Variants in QPCT observed in about 807,000 individuals in gnomAD.
The protein encoded by QPCT is glutaminyl-peptide cyclotransferase.
Under a neutral mutation model 43.4 loss-of-function variants are expected in QPCT, and 44 were observed. That is an observed-to-expected ratio of 1.01 (90% confidence interval 0.80 to 1.30). The LOEUF is 1.30. Ranked by LOEUF, QPCT falls within the 50% of genes most tolerant of loss-of-function variation. The pLI is 0.00. For synonymous variants in QPCT, 168 were observed against 168.4 expected (o/e 1.00, Z 0.02); for missense variants, 526 against 436.5 (o/e 1.21, Z -1.83).
intron 2 of QPCT, among the ~76,000 whole-genome samples, chr2:37,356,107 T>C (rs956462900): frequency 2.0e-5 from 3 of 152,216 alleles, no homozygotes; most frequent in African/African-American, 7.2e-5. Context: ...GGTCTACTGA[T>C]GTCATTGTTT....
At chr2:37,365,646 T>G (rs1455939208) in intron 3 of QPCT, among the ~76,000 whole-genome samples, 1 of 152,162 alleles carries the variant, frequency 6.6e-6, no homozygotes, top group Non-Finnish European at 1.5e-5. Flanking sequence ...AAATTGATGA[T>G]GTAGGAGAGA....
At chr2:37,357,198 G>A (rs1484235405) in intron 2 of QPCT, among the ~76,000 whole-genome samples, 1 of 151,690 alleles carries the variant, frequency 6.6e-6, no homozygotes, top group Non-Finnish European at 1.5e-5. Flanking sequence ...TTCATTTTGT[G>A]AGCTTGCAAT....
intron 1 of QPCT, among the ~76,000 whole-genome samples, chr2:37,351,242 C>A (rs1221727924): frequency 6.6e-6 from 1 of 152,230 alleles, no homozygotes; most frequent in Admixed American, 6.5e-5. Flanking sequence ...TTCTGTTTTG[C>A]CTTCCAAATA....
chr2:37,367,337 C>A lies in QPCT; in HGVS notation c.652C>A (p.His218Asn), dbSNP rs1558606880. ...TCAAGATTCTCTCTATGGGTCTCGA[C>A]ACTTAGCTGCAAAGATGGCATCGAC... ...SPQDSLYGSR[H>N]LAAKMASTPH... is the part of the protein sequence containing the mutation. Residue 218 changes from histidine (H) to asparagine (N), a missense_variant, in exon 4 of 7, where the codon CAC (histidine) becomes AAC (asparagine). Physicochemically the swap from His to Asn is moderately conservative, Grantham distance 68 (BLOSUM62 1). Transcript: ENST00000338415. The A allele has an allele frequency of 6.2e-7, 1 of 1,613,948 alleles. No individual in the cohort carries two copies. The highest frequency in any genetic ancestry group is 8.5e-7 in the Non-Finnish European group (1 of 1,179,986).
chr2:37,349,790 C>T (rs1672580848), intron 1 of QPCT, among the ~76,000 whole-genome samples: 1 of 151,654 alleles, frequency 6.6e-6, no homozygotes, highest in Non-Finnish European at 1.5e-5. Flanking sequence ...TGTCTTTATG[C>T]TTGCTTGTGC....
chr2:37,347,163 TA>T lies in QPCT; in HGVS notation c.120+2314del, dbSNP rs1389212033. 1.6e-3 allele frequency among the ~76,000 whole-genome samples: 56 copies of T among 35,772 alleles called. 4 individuals carry two copies. Among genetic ancestry groups the T allele is most frequent in the African/African-American group, 6.0e-3 (35 of 5,874 alleles). The allele number at this position is 35,772 out of a possible 152,430, so 23.5% of individuals were successfully genotyped here. ...GGTGTTTTATATATATATATATATA[TA>T]ACATATATATATATAACATATATAT... On this transcript the variant is annotated intron_variant, in intron 1 of 6. Coordinates refer to ENST00000338415, the MANE Select transcript of QPCT (RefSeq NM_012413.4).
chr2:37,370,895 C>G (rs1156432011), intron 5 of QPCT, among the ~76,000 whole-genome samples: 1 of 152,192 alleles, frequency 6.6e-6, no homozygotes, highest in Non-Finnish European at 1.5e-5. Context: ...ATTGTAGAAT[C>G]CAGGCCAGGG....
chr2:37,349,477 A>C (rs1229284805), intron 1 of QPCT, among the ~76,000 whole-genome samples: 5 of 152,180 alleles, frequency 3.3e-5, no homozygotes, highest in Admixed American at 3.3e-4. Flanking sequence ...GAGCTCTTTC[A>C]AGCCTCTAGA....
chr2:37,344,659 G>C lies in QPCT; in HGVS notation c.-73G>C. 6.5e-7 allele frequency: 1 copy of C among 1,528,668 alleles called. No homozygotes were observed. Among genetic ancestry groups the C allele is most frequent in the Non-Finnish European group, 8.8e-7 (1 of 1,139,280 alleles). 94.7% of individuals were successfully genotyped at this position (1,528,668 alleles called of 1,614,324 possible). A position where few individuals can be genotyped will look rare whatever the true frequency, so the allele number is the denominator to read the frequency against. ...GACCCAAGGGTGGAGAAGAGGGAAG[G>C]CGAAGGACGCGCGTTCCCGGGCTCG... On this transcript the variant is annotated 5_prime_UTR_variant, in exon 1 of 7. Coordinates refer to ENST00000338415, the MANE Select transcript of QPCT (RefSeq NM_012413.4).
chr2:37,360,495 T>A (rs1444848806), intron 3 of QPCT, among the ~76,000 whole-genome samples: 2 of 152,170 alleles, frequency 1.3e-5, no homozygotes, highest in Non-Finnish European at 2.9e-5. Flanking sequence ...AGTGCTAAAC[T>A]AGATGAAGAT....
At chr2:37,351,575 C>G (rs1672626611) in intron 1 of QPCT, among the ~76,000 whole-genome samples, 1 of 152,172 alleles carries the variant, frequency 6.6e-6, no homozygotes, top group South Asian at 2.1e-4. Flanking sequence ...TGAGTTGGCA[C>G]TGTCTAATAG....
intron 5 of QPCT, among the ~76,000 whole-genome samples, chr2:37,370,445 G>A (rs1673051545): frequency 6.6e-6 from 1 of 152,160 alleles, no homozygotes; most frequent in Admixed American, 6.5e-5. Context: ...AATGCGTTTC[G>A]AGAGAAAAGT....
chr2:37,363,434 G>A (rs1169730872), intron 3 of QPCT, among the ~76,000 whole-genome samples: 2 of 135,410 alleles, frequency 1.5e-5, no homozygotes, highest in African/African-American at 3.0e-5. Flanking sequence ...ACCAGCCTGG[G>A]CAACATAGTG....
chr2:37,366,718 C>T (rs533674126), intron 3 of QPCT, among the ~76,000 whole-genome samples: 4 of 152,200 alleles, frequency 2.6e-5, no homozygotes, highest in South Asian at 2.1e-4. Context: ...AGGAAGAAGT[C>T]GAGCTGCAGT....
At chr2:37,354,424 C>G (rs553023103) in intron 2 of QPCT, among the ~76,000 whole-genome samples, 1 of 152,332 alleles carries the variant, frequency 6.6e-6, no homozygotes, top group Admixed American at 6.5e-5. Flanking sequence ...CATAGATCAT[C>G]TCATTCAGCC....
chr2:37,354,761 C>T (rs773694347), intron 2 of QPCT, among the ~76,000 whole-genome samples: 1 of 152,140 alleles, frequency 6.6e-6, no homozygotes, highest in African/African-American at 2.4e-5. Flanking sequence ...TTTCCAAAAG[C>T]CTCAGTTCCT....
intron 3 of QPCT, among the ~76,000 whole-genome samples, chr2:37,362,773 G>T (rs1002303621): frequency 2.0e-5 from 3 of 152,150 alleles, no homozygotes; most frequent in East Asian, 3.8e-4. Flanking sequence ...TCCTAAAAAG[G>T]CTCAGGAATT....
At chr2:37,360,255 T>A (rs528974977) in intron 3 of QPCT, among the ~76,000 whole-genome samples, 14 of 152,302 alleles carry the variant, frequency 9.2e-5, no homozygotes, top group African/African-American at 3.4e-4. Context: ...TGGTGGCTCT[T>A]GGGTTGGAGG....
intron 1 of QPCT, among the ~76,000 whole-genome samples, chr2:37,350,897 T>C (rs1672605858): frequency 6.6e-6 from 1 of 152,250 alleles, no homozygotes; most frequent in Admixed American, 6.5e-5. Context: ...TTACTACCTC[T>C]GTTTTACAGA....
Sources: allele counts gnomAD v4.1 joint callset (sites outside exome capture counted in the v4.1 genomes callset), GRCh38; gene constraint gnomAD v4.1.1; transcripts MANE v1.5; gene names NCBI Gene and HGNC (gene_info 2026-07-23, HGNC 2026-07-21).